ANAPC1: variants seen among roughly 807,000 people sequenced by gnomAD.
ANAPC1 encodes the protein anaphase-promoting complex subunit 1.
In ANAPC1, 36 loss-of-function variants were observed where a neutral mutation model predicts 208.0. That is an observed-to-expected ratio of 0.17 (90% confidence interval 0.13 to 0.23). The LOEUF (loss-of-function observed/expected upper bound fraction) is 0.23, where lower values mean the gene tolerates loss of function less well. Ranked by LOEUF, ANAPC1 falls within the 10% of genes least tolerant of loss-of-function variation. The probability of loss-of-function intolerance (pLI) is 1.00; values close to 1 mark genes in which losing one functional copy is unlikely to be tolerated. For missense variants in ANAPC1, 942 were observed against 2,011.6 expected (o/e 0.47, Z 10.17); for synonymous variants, 378 against 695.2 (o/e 0.54, Z 7.18).
At position 111,860,396 on chromosome 2, in the gene ANAPC1, C is replaced by T. The variant is rs542012212; in HGVS notation, c.1262+1993G>A. ...AACAAAACTCTCCTTGACCAAGACT[C>T]CCTCTAATTTTGTATCTTCATTCCT... On this transcript the variant is annotated intron_variant, in intron 10 of 47. Transcript: ENST00000341068. 4.7e-3 allele frequency among the ~76,000 whole-genome samples: 637 copies of T among 136,602 alleles called. 13 individuals carry two copies. Among genetic ancestry groups the T allele is most frequent in the African/African-American group, 0.017 (607 of 36,122 alleles). 89.6% of individuals were successfully genotyped at this position (136,602 alleles called of 152,430 possible). A position where few individuals can be genotyped will look rare whatever the true frequency, so the allele number is the denominator to read the frequency against.
intron 43 of ANAPC1, among the ~76,000 whole-genome samples, chr2:111,781,989 A>G (rs921419553): frequency 5.9e-5 from 9 of 152,262 alleles, no homozygotes; most frequent in Non-Finnish European, 1.3e-4. Context: ...AAATGGAGTT[A>G]ATAATTGCTA....
At chr2:111,778,320 A>G (rs1333078871) in intron 45 of ANAPC1, among the ~76,000 whole-genome samples, 1 of 152,172 alleles carries the variant, frequency 6.6e-6, no homozygotes, top group Non-Finnish European at 1.5e-5. Context: ...GGCTCTGTTC[A>G]CTAACGGCTC....
chr2:111,792,462 G>C lies in ANAPC1; in HGVS notation c.4612C>G (p.Leu1538Val). 2 of 1,613,592 alleles carry C rather than the reference G, an allele frequency of 1.2e-6. No individual in the cohort carries two copies. Among genetic ancestry groups the C allele is most frequent in the Non-Finnish European group, 1.7e-6 (2 of 1,179,796 alleles). The change falls in exon 38 of 48, where the codon CTT becomes GTT. Residue 1538 changes from leucine to valine, a missense_variant. Transcript: ENST00000341068. ...GTTTTCATGTGTAAGAAGCGACAAA[G>C]CTGCAAAACCTTTAGGTTTCCTGAG... Reference protein sequence around the residue: ...AGSGNLKVLQLCRFLHMKTGG... With the variant: ...AGSGNLKVLQVCRFLHMKTGG...
Position 111,838,532 on chromosome 2 carries a change from G to C in ANAPC1, c.2041-20C>G, listed in dbSNP as rs764828603. 6.3e-7 allele frequency: 1 copy of C among 1,583,556 alleles called. No homozygotes were observed. Among genetic ancestry groups the C allele is most frequent in the South Asian group, 1.2e-5 (1 of 85,444 alleles). On this transcript the variant is annotated intron_variant, in intron 17 of 47. Transcript: ENST00000341068. ...GTCAAACTGAAAAGTAACCCCAAAA[G>C]AAAAGATAAAAATCGTAAATGCATT...
chr2:111,862,259 C>T (rs552655100), intron 10 of ANAPC1, 130 bp downstream of exon 10: 141 of 917,568 alleles, frequency 1.5e-4, no homozygotes, highest in African/African-American at 5.2e-4. Flanking sequence ...GGCCTTAATA[C>T]ATATCTCTAT....
At chr2:111,883,188 C>G (rs1573535918) in intron 1 of ANAPC1, among the ~76,000 whole-genome samples, 1 of 89,390 alleles carries the variant, frequency 1.1e-5, no homozygotes. Flanking sequence ...AAAAAGAAAA[C>G]CCCACAAAAA....
At chr2:111,829,824 C>T (rs1248812989) in intron 21 of ANAPC1, among the ~76,000 whole-genome samples, 1 of 152,052 alleles carries the variant, frequency 6.6e-6, no homozygotes, top group Non-Finnish European at 1.5e-5. Flanking sequence ...AATCCCAGCA[C>T]TTTGGGAGGC....
chr2:111,794,543 C>CA (rs1486535215), intron 35 of ANAPC1, among the ~76,000 whole-genome samples: 1 of 151,546 alleles, frequency 6.6e-6, no homozygotes, highest in Non-Finnish European at 1.5e-5. Flanking sequence ...TCATATGCAG[C>CA]AAAAACAATT....
chr2:111,868,397 C>T (rs1165312673), intron 6 of ANAPC1, among the ~76,000 whole-genome samples: 2 of 152,182 alleles, frequency 1.3e-5, no homozygotes, highest in Non-Finnish European at 2.9e-5. Flanking sequence ...GTGCATAAAG[C>T]GGTCTTTTTT....
chr2:111,810,307 G>C (rs958841879), intron 28 of ANAPC1, among the ~76,000 whole-genome samples: 3 of 149,192 alleles, frequency 2.0e-5, no homozygotes, highest in African/African-American at 7.4e-5. Flanking sequence ...GAAGGTGGGG[G>C]GGGGTGAGGT....
At chr2:111,810,304 G>GGC (rs1553419985) in intron 28 of ANAPC1, among the ~76,000 whole-genome samples, 3 of 144,410 alleles carry the variant, frequency 2.1e-5, no homozygotes, top group African/African-American at 7.4e-5. Context: ...AGTGAAGGTG[G>GGC]GGGGGGGTGA....
At chr2:111,883,534 C>CAAAAA (rs749635943) in intron 1 of ANAPC1, among the ~76,000 whole-genome samples, 1 of 124,390 alleles carries the variant, frequency 8.0e-6, no homozygotes, top group Non-Finnish European at 1.7e-5. Context: ...ACTACCCTGC[C>CAAAAA]AAAAAAAAAA....
chr2:111,788,407 A>G (rs566633699), intron 38 of ANAPC1, 87 bp from the exon 39 acceptor site: 2 of 1,546,438 alleles, frequency 1.3e-6, no homozygotes, highest in Admixed American at 1.9e-5. Flanking sequence ...AAACTGGTGT[A>G]TAATAGTAAG....
At chr2:111,875,893 A>G (rs1351560411) in intron 3 of ANAPC1, among the ~76,000 whole-genome samples, 1 of 152,144 alleles carries the variant, frequency 6.6e-6, no homozygotes, top group Non-Finnish European at 1.5e-5. Flanking sequence ...CACAAATAGC[A>G]TCTTCTTTGA....
intron 27 of ANAPC1, among the ~76,000 whole-genome samples, chr2:111,817,677 G>A (rs1679309296): frequency 1.3e-5 from 2 of 149,612 alleles, no homozygotes; most frequent in South Asian, 4.3e-4. Context: ...ATTTTTTAAA[G>A]TATGCAATTT....
At chr2:111,787,508 TA>T (rs1677626545) in intron 39 of ANAPC1, among the ~76,000 whole-genome samples, 2 of 152,038 alleles carry the variant, frequency 1.3e-5, no homozygotes, top group Non-Finnish European at 2.9e-5. Flanking sequence ...CCATAAACAA[TA>T]AAGGGCTCTT....
rs1441331445 is a variant in ANAPC1, at chr2:111,825,776, C to T, written c.2704+1G>A. ...CCAGAGGCAACATTGCACCAACTTA[C>T]CTATAGTTATTCTGGTTAAATACTG... On this transcript the variant is annotated splice_donor_variant, in intron 22 of 47. Coordinates refer to ENST00000341068, the MANE Select transcript of ANAPC1 (RefSeq NM_022662.4). LOFTEE classifies it high-confidence loss of function. 6.2e-7 allele frequency: 1 copy of T among 1,612,932 alleles called. No homozygotes were observed. The highest frequency in any genetic ancestry group is 8.5e-7 in the Non-Finnish European group (1 of 1,179,364).
intron 16 of ANAPC1, 135 bp from the exon 17 acceptor site, chr2:111,843,734 A>G (rs1204522287): frequency 3.0e-6 from 2 of 660,758 alleles, no homozygotes; most frequent in African/African-American, 1.8e-5. Flanking sequence ...TAAAGAGCCA[A>G]TGAGATGCAA....
chr2:111,795,593 G>A (rs1422003534), intron 34 of ANAPC1, among the ~76,000 whole-genome samples: 5 of 138,950 alleles, frequency 3.6e-5, no homozygotes, highest in East Asian at 2.1e-4. Flanking sequence ...TCTTCTTTAC[G>A]GGATGTTTCC....
Sources: gnomAD v4.1 joint callset for allele counts (sites outside exome capture counted in the v4.1 genomes callset) on GRCh38, gnomAD v4.1.1 for gene constraint, MANE v1.5 for transcripts, NCBI Gene and HGNC (gene_info 2026-07-23, HGNC 2026-07-21) for gene names.